The following MMP16 variants were observed in gnomAD, a reference collection of about 807,000 sequenced individuals.
MMP16 encodes matrix metallopeptidase 16.
In MMP16, 12 loss-of-function variants were observed where a neutral mutation model predicts 67.8. That is an observed-to-expected ratio of 0.18 (90% CI 0.11 to 0.29). The LOEUF is 0.29. Among genes scored for constraint, MMP16 ranks in the 10% least tolerant of loss-of-function variants. MMP16 has a pLI of 1.00. For synonymous variants in MMP16, 249 were observed against 255.9 expected, an observed-to-expected ratio of 0.97 and a Z score of 0.26; for missense variants, 475 against 765.7, an observed-to-expected ratio of 0.62 and a Z score of 4.48.
At chr8:88,076,258 T>C (rs533176973) in intron 6 of MMP16, among the ~76,000 whole-genome samples, 17 of 152,280 alleles carry the variant, frequency 1.1e-4, no homozygotes, top group Non-Finnish European at 2.5e-4. Context: ...GAATACCTAA[T>C]TTATAGCATG....
rs540362564 is a variant in MMP16, at chr8:88,255,381, G to A, written c.133-58075C>T. On this transcript the variant is annotated intron_variant, in intron 1 of 9. Coordinates refer to ENST00000286614, the MANE Select transcript of MMP16 (RefSeq NM_005941.5). ...CACCACACTTCCTGTACAACCTGCA[G>A]AACCATGAGCCAAAATAAACCTTTC... Among the ~76,000 whole-genome samples the A allele has an allele frequency of 2.6e-5, 4 of 152,260 alleles. No homozygotes were observed. The East Asian group carries it at 7.7e-4, about 29-fold the overall frequency.
At chr8:88,288,824 T>G (rs1387170466) in intron 1 of MMP16, among the ~76,000 whole-genome samples, 1 of 152,208 alleles carries the variant, frequency 6.6e-6, no homozygotes, top group Non-Finnish European at 1.5e-5. Flanking sequence ...TGAAGATATA[T>G]TTACTCATTC....
At chr8:88,239,382 A>C (rs1308490675) in intron 1 of MMP16, among the ~76,000 whole-genome samples, 2 of 151,934 alleles carry the variant, frequency 1.3e-5, no homozygotes, top group Non-Finnish European at 2.9e-5. Flanking sequence ...AAATATCTTC[A>C]AGTTTTAACT....
intron 4 of MMP16, among the ~76,000 whole-genome samples, chr8:88,158,271 A>T (rs958875723): frequency 2.0e-5 from 3 of 152,184 alleles, no homozygotes; most frequent in African/African-American, 7.2e-5. Context: ...TGGTTGAACT[A>T]GTTTACACTC....
At chr8:88,217,983 G>C (rs992489505) in intron 1 of MMP16, among the ~76,000 whole-genome samples, 4 of 151,976 alleles carry the variant, frequency 2.6e-5, no homozygotes, top group South Asian at 4.1e-4. Context: ...AGCACTGAGA[G>C]AAGATTAAAG....
rs1337536031 is a variant in MMP16, at chr8:88,256,684, TCACA to T, written c.133-59382_133-59379del. On this transcript the variant is annotated intron_variant, in intron 1 of 9. Coordinates refer to ENST00000286614, the MANE Select transcript of MMP16 (RefSeq NM_005941.5). ...CCCCATCTCTCTCTCTCTCTCTCTCTCACACACACACACACACACCCCACACACA... is the reference window on the plus strand; with the variant it reads ...CCCCATCTCTCTCTCTCTCTCTCTCTCACACACACACACACCCCACACACA... Among the ~76,000 whole-genome samples the T allele has an allele frequency of 4.3e-4, 65 of 150,406 alleles. 1 individual carries two copies. Among genetic ancestry groups the T allele is most frequent in the African/African-American group, 1.2e-3 (49 of 40,946 alleles).
intron 3 of MMP16, among the ~76,000 whole-genome samples, chr8:88,177,285 A>C (rs1170444492): frequency 1.3e-5 from 2 of 152,204 alleles, no homozygotes; most frequent in Non-Finnish European, 2.9e-5. Context: ...AAATGTTTGG[A>C]AGTTATCACT....
intron 6 of MMP16, among the ~76,000 whole-genome samples, chr8:88,104,801 A>T (rs1435942801): frequency 4.0e-5 from 6 of 151,490 alleles, no homozygotes; most frequent in Non-Finnish European, 8.9e-5. Context: ...GATAATCCTG[A>T]CACTATGTAG....
chr8:88,227,131 G>A (rs1809783231), intron 1 of MMP16, among the ~76,000 whole-genome samples: 1 of 151,944 alleles, frequency 6.6e-6, no homozygotes, highest in Non-Finnish European at 1.5e-5. Context: ...ATAATGATGT[G>A]TAGTCTGTGA....
At chr8:88,120,670 T>C (rs998682419) in intron 4 of MMP16, among the ~76,000 whole-genome samples, 1 of 151,852 alleles carries the variant, frequency 6.6e-6, no homozygotes, top group Admixed American at 6.6e-5. Flanking sequence ...AACTCAGGAA[T>C]TGGTATTCAA....
intron 1 of MMP16, among the ~76,000 whole-genome samples, chr8:88,323,551 T>G (rs540502485): frequency 6.6e-6 from 1 of 152,298 alleles, no homozygotes; most frequent in South Asian, 2.1e-4. Context: ...AGTAATCATT[T>G]TATGCTTTGA....
chr8:88,161,486 C>G (rs944013643), intron 4 of MMP16, among the ~76,000 whole-genome samples: 6 of 151,906 alleles, frequency 3.9e-5, no homozygotes, highest in Admixed American at 1.3e-4. Context: ...TTTTGTTGAT[C>G]TTTTCAAAAA....
chr8:88,126,088 C>CAAAT (rs745827229), intron 4 of MMP16, among the ~76,000 whole-genome samples: 1 of 151,878 alleles, frequency 6.6e-6, no homozygotes, highest in East Asian at 1.9e-4. Context: ...AGACCAGCAA[C>CAAAT]AAATATATGA....
rs374861469 is a variant in MMP16, at chr8:88,077,406, G to A, written c.1084-2663C>T. ...TATAAGTGAGACATTCCCTGACCATGCTATCTAGAACTGAAGTTCCTCACT... is the reference window on the plus strand; with the variant it reads ...TATAAGTGAGACATTCCCTGACCATACTATCTAGAACTGAAGTTCCTCACT... On this transcript the variant is annotated intron_variant, in intron 6 of 9. Coordinates refer to ENST00000286614, the MANE Select transcript of MMP16 (RefSeq NM_005941.5). Among the ~76,000 whole-genome samples the A allele has an allele frequency of 9.2e-5, 14 of 152,246 alleles. No individual in the cohort carries two copies. In the South Asian group the frequency reaches 2.9e-3, roughly 32 times the overall value.
At position 88,167,899 on chromosome 8, in the gene MMP16, T is replaced by C. The variant is rs940310916; in HGVS notation, c.479A>G (p.Gln160Arg). 2 of 1,614,056 alleles carry C rather than the reference T, an allele frequency of 1.2e-6. No homozygotes were observed. Among genetic ancestry groups the C allele is most frequent in the Admixed American group, 1.7e-5 (1 of 59,960 alleles). The change falls in exon 4 of 10, where the codon CAG becomes CGG. Residue 160 changes from glutamine (Q) to arginine (R), a missense_variant. Coordinates refer to ENST00000286614, the MANE Select transcript of MMP16 (RefSeq NM_005941.5). ...KAIRRAFDVW[Q>R]NVTPLTFEEV... is the part of the protein sequence containing the mutation. ...TTCAAATGTCAGAGGAGTTACATTC[T>C]GCCACACATCAAAGGCACGGCGAAT... is the stretch of plus-strand genomic sequence containing the variant.
At chr8:88,131,466 T>C (rs1808028932) in intron 4 of MMP16, among the ~76,000 whole-genome samples, 1 of 151,790 alleles carries the variant, frequency 6.6e-6, no homozygotes, top group Non-Finnish European at 1.5e-5. Flanking sequence ...ACAGCAAGAA[T>C]ATATTGTCCA....
At chr8:88,182,792 A>C (rs570271286) in intron 3 of MMP16, among the ~76,000 whole-genome samples, 1 of 150,556 alleles carries the variant, frequency 6.6e-6, no homozygotes, top group Non-Finnish European at 1.5e-5. Flanking sequence ...AATTTCCCCA[A>C]ACTGGAATCA....
intron 4 of MMP16, among the ~76,000 whole-genome samples, chr8:88,167,306 A>C (rs944144373): frequency 2.6e-5 from 4 of 152,152 alleles, no homozygotes; most frequent in Non-Finnish European, 4.4e-5. Context: ...TTACAAGTAG[A>C]AACATTGGGA....
chr8:88,206,731 T>G (rs774703084), intron 1 of MMP16, among the ~76,000 whole-genome samples: 28 of 152,246 alleles, frequency 1.8e-4, no homozygotes, highest in Non-Finnish European at 3.7e-4. Flanking sequence ...GTGATGGTTT[T>G]TGTGACCAGA....
Sources: gnomAD v4.1 joint callset for allele counts (sites outside exome capture counted in the v4.1 genomes callset) on GRCh38, gnomAD v4.1.1 for gene constraint, MANE v1.5 for transcripts, NCBI Gene and HGNC (gene_info 2026-07-23, HGNC 2026-07-21) for gene names.